The following TNS1 variants were observed in gnomAD, a reference collection of about 807,000 sequenced individuals.
TNS1 encodes the protein tensin 1.
Under a neutral mutation model 168.6 loss-of-function variants are expected in TNS1, and 62 were observed. The ratio of observed to expected loss-of-function variants is 0.37; its 90% CI spans 0.30 to 0.45. The LOEUF is 0.45. Ranked by LOEUF, TNS1 falls within the 20% of genes least tolerant of loss-of-function variation. The pLI is 1.00. For synonymous variants in TNS1, 934 were observed against 933.2 expected (o/e 1.00, Z -0.02); for missense variants, 2,240 against 2,339.4 (o/e 0.96, Z 0.88).
intron 1 of TNS1, among the ~76,000 whole-genome samples, chr2:218,031,255 T>TGTATGAGTGTGTTGTGTGTGAGC (rs1958894820): frequency 8.1e-6 from 1 of 123,150 alleles, no homozygotes; most frequent in African/African-American, 4.8e-5. Flanking sequence ...TGTGTGTGAG[T>TGTATGAGTGTGTTGTGTGTGAGC]GTATGAGTGT....
intron 18 of TNS1, chr2:217,850,428 AC>A (rs1405370292): frequency 3.1e-6 from 3 of 983,260 alleles, no homozygotes; most frequent in Non-Finnish European, 3.6e-6. Context: ...AGCTCTGAGG[AC>A]CCCCCTGAGC....
At chr2:218,014,728 C>T (rs955775479), upstream of TNS1, among the ~76,000 whole-genome samples, 15 of 152,140 alleles carry the variant, frequency 9.9e-5, no homozygotes, top group African/African-American at 3.6e-4. Flanking sequence ...CCTGTCTCAC[C>T]CCTTTTCCTA....
At chr2:217,812,167 C>T (rs1991161) in intron 28 of TNS1, among the ~76,000 whole-genome samples, 89,401 of 152,058 alleles carry the variant, frequency 0.59, 26,533 homozygotes, top group African/African-American at 0.66. Context: ...TTTATGTATG[C>T]TCCTGGAGTC....
At chr2:217,907,183 C>A (rs1953814046) in intron 5 of TNS1, 27 bp downstream of exon 5, 1 of 703,098 alleles carries the variant, frequency 1.4e-6, no homozygotes. Flanking sequence ...TGTTCCAGCT[C>A]CCCCACCACC....
In TNS1 at chr2:217,995,668, G is replaced by A. The variant is rs1348814807; in HGVS notation, c.34-4612C>T. ...GACGGCCTCACGGAGCACACCCCGG[G>A]GCCCTTCCTTTGCTGGCTGCAAAGG... On this transcript the variant is annotated intron_variant, in intron 1 of 32. Coordinates refer to ENST00000682258, the MANE Select transcript of TNS1 (RefSeq NM_001387777.1). This position sits in a 1 kb window ranked among gnomAD's most constrained non-coding sequence, Gnocchi z 4.1. Among the ~76,000 whole-genome samples, 1 of 152,116 alleles carries A rather than the reference G, an allele frequency of 6.6e-6. No individual in the cohort carries two copies. The highest frequency in any genetic ancestry group is 1.5e-5 in the Non-Finnish European group (1 of 68,026).
At chr2:217,859,346 CT>C (rs1948563231) in intron 18 of TNS1, 9 of 403,866 alleles carry the variant, frequency 2.2e-5, no homozygotes, top group South Asian at 9.2e-5. Flanking sequence ...AGGTGGAAAT[CT>C]TTTTTTCCCT....
chr2:217,973,468 T>C (rs1379589336), intron 3 of TNS1, among the ~76,000 whole-genome samples: 3 of 151,450 alleles, frequency 2.0e-5, no homozygotes, highest in South Asian at 2.1e-4. Flanking sequence ...AGGACCCCAA[T>C]GAGGGGTAAG....
At chr2:217,849,916 A>G (rs1164666041) in intron 18 of TNS1, 20 of 985,276 alleles carry the variant, frequency 2.0e-5, no homozygotes, top group Admixed American at 6.1e-5. Context: ...CTCTAAGACA[A>G]GCTTGCCCTC....
intron 3 of TNS1, among the ~76,000 whole-genome samples, chr2:217,921,967 A>C (rs1012467863): frequency 2.0e-5 from 3 of 152,204 alleles, no homozygotes; most frequent in South Asian, 4.1e-4. Context: ...TCTAAGTCCC[A>C]AGATGACATG....
intron 22 of TNS1, among the ~76,000 whole-genome samples, chr2:217,827,864 C>T (rs1377755925): frequency 1.3e-5 from 2 of 152,222 alleles, no homozygotes; most frequent in Admixed American, 1.3e-4. Flanking sequence ...TCGAGGCCCA[C>T]GCCCCTGAAG....
intron 4 of TNS1, among the ~76,000 whole-genome samples, chr2:217,912,192 T>C (rs769552630): frequency 3.3e-5 from 5 of 152,020 alleles, no homozygotes; most frequent in Non-Finnish European, 7.4e-5. Flanking sequence ...GGAGGACAGG[T>C]TAGTGGCCTG....
intron 18 of TNS1, chr2:217,850,420 C>T (rs1026083885): frequency 2.5e-5 from 25 of 985,170 alleles, no homozygotes; most frequent in Non-Finnish European, 3.0e-5. Flanking sequence ...CTGCAGACAG[C>T]TCTGAGGACC....
chr2:217,975,947 C>T (rs763233551), intron 3 of TNS1, among the ~76,000 whole-genome samples: 26 of 152,142 alleles, frequency 1.7e-4, no homozygotes, highest in Non-Finnish European at 3.1e-4. Flanking sequence ...AATCCAATCG[C>T]GTCCCTCCAG....
At position 217,813,289 on chromosome 2, in the gene TNS1, A is replaced by C; in HGVS notation, c.4880T>G (p.Leu1627Arg). ...QNKKGDMTHELVRHFLIETGP... is the reference protein window; with the variant it reads ...QNKKGDMTHERVRHFLIETGP... ...AGTCTCTATCAGAAAATGCCTGACC[A>C]GCTCATGGGTCATGTCTCCTGGGAC... Residue 1627 changes from leucine to arginine, a missense_variant, in exon 27 of 33, where the codon CTG (leucine) becomes CGG (arginine). Physicochemically the swap from Leu to Arg is moderately radical, Grantham distance 102. Transcript: ENST00000682258. This position sits in a 1 kb window ranked among gnomAD's most constrained non-coding sequence, Gnocchi z 4.0. 6.3e-7 allele frequency: 1 copy of C among 1,592,704 alleles called. No homozygotes were observed. The highest frequency in any genetic ancestry group is 8.6e-7 in the Non-Finnish European group (1 of 1,167,904).
intron 6 of TNS1, among the ~76,000 whole-genome samples, chr2:217,903,368 T>C (rs568776136): frequency 3.4e-4 from 52 of 152,318 alleles, no homozygotes; most frequent in African/African-American, 1.1e-3. Context: ...CATAATCTTC[T>C]GCCTACTCCG....
At chr2:217,881,307 G>T in intron 17 of TNS1, 1 of 323,778 alleles carries the variant, frequency 3.1e-6, no homozygotes, top group East Asian at 5.9e-5. Flanking sequence ...CCCTGGCTGG[G>T]TACCTGCCTC....
rs1337704187 is a variant in TNS1 at position 218,002,938 on chromosome 2, CGCG to C, written c.-69_-67del. On this transcript the variant is annotated 5_prime_UTR_variant, in exon 1 of 33. Coordinates refer to ENST00000682258, the MANE Select transcript of TNS1 (RefSeq NM_001387777.1). Reference sequence around the variant, plus strand: ...GAAGAGCCCCTGAAGCTAGAGTCCCCGCGGCGCTGGCAGAAGGGCTCTCTGAGT... The same window carrying C: ...GAAGAGCCCCTGAAGCTAGAGTCCCCGCGCTGGCAGAAGGGCTCTCTGAGT... 8.8e-6 allele frequency: 4 copies of C among 456,282 alleles called. No homozygotes were observed. Among genetic ancestry groups the C allele is most frequent in the African/African-American group, 8.0e-5 (4 of 50,046 alleles). 28.3% of individuals were successfully genotyped at this position (456,282 alleles called of 1,614,324 possible). A position where few individuals can be genotyped will look rare whatever the true frequency, so the allele number is the denominator to read the frequency against.
intron 4 of TNS1, among the ~76,000 whole-genome samples, 191 bp downstream of exon 4, chr2:217,920,004 T>C (rs1268020963): frequency 6.6e-6 from 1 of 152,212 alleles, no homozygotes; most frequent in Non-Finnish European, 1.5e-5. Context: ...AGGCACTGCA[T>C]CTCATCAGAA....
chr2:217,893,976 C>G (rs1952013026), intron 9 of TNS1, among the ~76,000 whole-genome samples: 1 of 152,212 alleles, frequency 6.6e-6, no homozygotes, highest in Non-Finnish European at 1.5e-5. Flanking sequence ...CTCCTACGGA[C>G]AGCCCTGAGG....
Sources: allele counts gnomAD v4.1 joint callset (sites outside exome capture counted in the v4.1 genomes callset), GRCh38; gene constraint gnomAD v4.1.1; non-coding constraint Gnocchi (gnomAD v3.1); transcripts MANE v1.5; gene names NCBI Gene and HGNC (gene_info 2026-07-23, HGNC 2026-07-21).